Variants in SPTLC1 observed in about 807,000 individuals in gnomAD.
SPTLC1 encodes the protein serine palmitoyltransferase long chain base subunit 1, also known as serine palmitoyltransferase 1.
In SPTLC1, 55 loss-of-function variants were observed where a neutral mutation model predicts 68.9. The ratio of observed to expected loss-of-function variants is 0.80; its 90% CI spans 0.64 to 1.00. The LOEUF is 1.00. SPTLC1 is among the 50% of genes least tolerant of loss of function. SPTLC1 has a pLI of 0.00. For missense variants in SPTLC1, 449 were observed against 573.1 expected, an observed-to-expected ratio of 0.78 and a Z score of 2.21; for synonymous variants, 197 against 201.6, an observed-to-expected ratio of 0.98 and a Z score of 0.19.
chr9:92,046,207 G>T, intron 11 of SPTLC1, 154 bp from the exon 12 acceptor site: 1 of 707,968 alleles, frequency 1.4e-6, no homozygotes, highest in Non-Finnish European at 2.4e-6. Flanking sequence ...TCCCCTGAAG[G>T]CCCAAGCTTT....
chr9:92,038,229 C>CACCAAGT lies in SPTLC1; in HGVS notation c.1254+18_1254+19insACTTGGT. On this transcript the variant is annotated intron_variant, in intron 13 of 14. Transcript: ENST00000262554. ...GCAGAAGTGGTGTGGGGGGATGCCT[C>CACCAAGT]AAGTCAACGGATACTTACTTGATCT... The CACCAAGT allele has an allele frequency of 6.4e-7, 1 of 1,550,438 alleles. No homozygotes were observed. Among genetic ancestry groups the CACCAAGT allele is most frequent in the Non-Finnish European group, 8.9e-7 (1 of 1,121,880 alleles).
intron 5 of SPTLC1, among the ~76,000 whole-genome samples, chr9:92,072,624 T>G: frequency 6.6e-6 from 1 of 152,132 alleles, no homozygotes; most frequent in East Asian, 1.9e-4. Flanking sequence ...CTCAAACCTC[T>G]TAGCTTTCAC....
At chr9:92,062,932 A>C (rs1834155328) in intron 6 of SPTLC1, among the ~76,000 whole-genome samples, 1 of 152,218 alleles carries the variant, frequency 6.6e-6, no homozygotes, top group Non-Finnish European at 1.5e-5. Flanking sequence ...AAAGAGAAAA[A>C]GTTTCAAATT....
intron 4 of SPTLC1, 97 bp downstream of exon 4, chr9:92,080,773 G>T: frequency 2.1e-6 from 2 of 968,972 alleles, no homozygotes; most frequent in Non-Finnish European, 1.6e-6. Flanking sequence ...CTCCTGACCT[G>T]AAGTGATCCA....
Position 92,080,867 on chromosome 9 carries a change from C to T in SPTLC1, c.354+3G>A. ...GTCCACTTCAGCAATATGTGCTACT[C>T]ACCTTAACCCTAGGGTTATCCAACA... On this transcript the variant is annotated splice_donor_region_variant and intron_variant, in intron 4 of 14. Transcript: ENST00000262554. The T allele has an allele frequency of 6.2e-7, 1 of 1,605,372 alleles. No homozygotes were observed. The highest frequency in any genetic ancestry group is 8.5e-7 in the Non-Finnish European group (1 of 1,172,862).
rs527422361 is a variant in SPTLC1 at position 92,112,422 on chromosome 9, C to T, written c.165+33G>A. Reference sequence around the variant, plus strand: ...AAGACATAGCAACTATAATCACATACCCAATAATTAAAACAGAGATTTAAT... The same window carrying T: ...AAGACATAGCAACTATAATCACATATCCAATAATTAAAACAGAGATTTAAT... On this transcript the variant is annotated intron_variant, in intron 2 of 14. Coordinates refer to ENST00000262554, the MANE Select transcript of SPTLC1 (RefSeq NM_006415.4). 4.9e-6 allele frequency: 7 copies of T among 1,424,862 alleles called. No individual in the cohort carries two copies. The South Asian group carries it at 6.9e-5, about 14-fold the overall frequency. The allele number at this position is 1,424,862 out of a possible 1,614,324, so 88.3% of individuals were successfully genotyped here. A position where few individuals can be genotyped will look rare whatever the true frequency, so the allele number is the denominator to read the frequency against.
At chr9:92,100,413 TA>T (rs1354269161) in intron 3 of SPTLC1, among the ~76,000 whole-genome samples, 1 of 152,196 alleles carries the variant, frequency 6.6e-6, no homozygotes, top group Non-Finnish European at 1.5e-5. Context: ...ACCCTGTCAT[TA>T]CAACAGCCTT....
At chr9:92,087,344 C>A in intron 3 of SPTLC1, among the ~76,000 whole-genome samples, 1 of 152,200 alleles carries the variant, frequency 6.6e-6, no homozygotes, top group Non-Finnish European at 1.5e-5. Context: ...TCCAGTTTTT[C>A]TGCTCTGTTT....
rs1477282705 is a variant in SPTLC1 at position 92,032,367 on chromosome 9, CAT to C, written c.*96_*97del. 7.5e-6 allele frequency: 12 copies of C among 1,596,128 alleles called. No homozygotes were observed. The highest frequency in any genetic ancestry group is 1.0e-5 in the Non-Finnish European group (12 of 1,172,656). On this transcript the variant is annotated 3_prime_UTR_variant, in exon 15 of 15. Coordinates refer to ENST00000262554, the MANE Select transcript of SPTLC1 (RefSeq NM_006415.4). ...TGGTAACAATCCTATCAAAGATCCA[CAT>C]GTTCTTGCTCTCTTTCAGGCCACTC... is the stretch of plus-strand genomic sequence containing the variant.
chr9:92,075,854 A>G (rs1228383107), intron 5 of SPTLC1, among the ~76,000 whole-genome samples: 1 of 152,128 alleles, frequency 6.6e-6, no homozygotes, highest in African/African-American at 2.4e-5. Context: ...ACTACCCACT[A>G]CAAATCCTAA....
chr9:92,081,916 G>A (rs1265233953), intron 3 of SPTLC1, among the ~76,000 whole-genome samples: 1 of 152,098 alleles, frequency 6.6e-6, no homozygotes, highest in Non-Finnish European at 1.5e-5. Context: ...CACAGATGCT[G>A]GGAAACCAGG....
intron 3 of SPTLC1, among the ~76,000 whole-genome samples, chr9:92,090,233 C>T (rs1014420290): frequency 6.6e-6 from 1 of 152,064 alleles, no homozygotes; most frequent in Non-Finnish European, 1.5e-5. Context: ...TATCAGACAT[C>T]AAGAAAGGGG....
chr9:92,105,961 C>T (rs184061370), intron 3 of SPTLC1, among the ~76,000 whole-genome samples: 28 of 150,432 alleles, frequency 1.9e-4, no homozygotes, highest in African/African-American at 4.9e-4. Flanking sequence ...TCTGCCTGGC[C>T]GCCGTCCCAT....
intron 1 of SPTLC1, among the ~76,000 whole-genome samples, chr9:92,114,161 T>G (rs182638795): frequency 1.4e-3 from 205 of 151,568 alleles, no homozygotes; most frequent in African/African-American, 4.7e-3. Flanking sequence ...TCCCAGCTAC[T>G]CGGGAGTCTG....
intron 3 of SPTLC1, among the ~76,000 whole-genome samples, chr9:92,099,409 T>C (rs1224505433): frequency 1.3e-5 from 2 of 151,986 alleles, no homozygotes; most frequent in African/African-American, 4.8e-5. Context: ...CCATTTAACA[T>C]CTCAATTGAC....
rs556248989 is a variant in SPTLC1 at position 92,087,746 on chromosome 9, G to A, written c.261-6783C>T. 4.1e-3 allele frequency among the ~76,000 whole-genome samples: 623 copies of A among 152,290 alleles called. 5 individuals are homozygous for A. Among genetic ancestry groups the A allele is most frequent in the African/African-American group, 0.014 (585 of 41,564 alleles). On this transcript the variant is annotated intron_variant, in intron 3 of 14. Transcript: ENST00000262554. ...TGCCCGTTCTCAGATCTCCAGCTGC[G>A]TGCTGGGAGAACCACTGCTCTCTTC...
chr9:92,054,964 C>T (rs1056159009), intron 8 of SPTLC1, among the ~76,000 whole-genome samples: 1 of 151,970 alleles, frequency 6.6e-6, no homozygotes, highest in Non-Finnish European at 1.5e-5. Flanking sequence ...GTGGCTCATA[C>T]CTGTAATACC....
At position 92,093,777 on chromosome 9, in the gene SPTLC1, A is replaced by G. The variant is rs530306749; in HGVS notation, c.261-12814T>C. On this transcript the variant is annotated intron_variant, in intron 3 of 14. Transcript: ENST00000262554. ...TTCTAATGGAGCTCTATAAACTTCA[A>G]TAATTACACAGAAGGATACAAGTTC... 1.4e-3 allele frequency among the ~76,000 whole-genome samples: 211 copies of G among 152,366 alleles called. 1 individual carries two copies. The highest frequency in any genetic ancestry group is 3.8e-3 in the African/African-American group (160 of 41,598).
chr9:92,068,184 A>C (rs1834360069), intron 5 of SPTLC1, 86 bp from the exon 6 acceptor site: 6 of 1,316,996 alleles, frequency 4.6e-6, no homozygotes, highest in Middle Eastern at 2.0e-4. Context: ...CACAAGCAGT[A>C]TAATTATCAA....
Sources: allele counts gnomAD v4.1 joint callset (sites outside exome capture counted in the v4.1 genomes callset), GRCh38; gene constraint gnomAD v4.1.1; transcripts MANE v1.5; gene names NCBI Gene and HGNC (gene_info 2026-07-23, HGNC 2026-07-21).